NEDD4: variants seen among roughly 807,000 people sequenced by gnomAD.
The protein encoded by NEDD4 is E3 ubiquitin-protein ligase NEDD4.
Under a neutral mutation model 144.9 loss-of-function variants are expected in NEDD4, and 99 were observed. The observed-to-expected ratio is 0.68, with a 90% confidence interval of 0.58 to 0.81. The LOEUF (loss-of-function observed/expected upper bound fraction) is 0.81. NEDD4 is among the 30% of genes least tolerant of loss of function. The pLI, the probability that NEDD4 is intolerant of heterozygous loss-of-function variation, is 0.00. For missense variants in NEDD4, 985 were observed against 1,065.9 expected (o/e 0.92, Z 1.06); for synonymous variants, 318 against 350.6 (o/e 0.91, Z 1.04).
At chr15:55,943,648 C>A (rs1325587952) in intron 4 of NEDD4, among the ~76,000 whole-genome samples, 7 of 152,318 alleles carry the variant, frequency 4.6e-5, no homozygotes, top group Admixed American at 2.6e-4. Flanking sequence ...GATATCCACA[C>A]AGAAGTCTGG....
At chr15:55,915,478 T>C in intron 5 of NEDD4, 4 of 1,613,742 alleles carry the variant, frequency 2.5e-6, no homozygotes, top group Non-Finnish European at 3.4e-6. Context: ...CTTCGTAAAA[T>C]ACCATGGTTT....
In NEDD4 at chr15:55,982,939, T is replaced by A. The variant is rs543900960; in HGVS notation, c.45+10572A>T. 1.1e-4 allele frequency among the ~76,000 whole-genome samples: 16 copies of A among 152,158 alleles called. No homozygotes were observed. In the East Asian group the frequency reaches 3.1e-3, roughly 29 times the overall value. On this transcript the variant is annotated intron_variant, in intron 1 of 28. Transcript: ENST00000435532. ...GAGTTCGAGACCAGCCTGGCCAACA[T>A]GGTGAAACCCCGTCTCTACTAAAAA...
At chr15:55,988,501 A>G (rs1395254132) in intron 1 of NEDD4, among the ~76,000 whole-genome samples, 3 of 148,958 alleles carry the variant, frequency 2.0e-5, no homozygotes, top group Admixed American at 6.7e-5. Context: ...AAAAAAAAAA[A>G]AAAAAGAAAA....
At chr15:55,985,760 T>C (rs75137931) in intron 1 of NEDD4, among the ~76,000 whole-genome samples, 36 of 148,438 alleles carry the variant, frequency 2.4e-4, no homozygotes, top group East Asian at 1.0e-3. Flanking sequence ...AGAGTACACA[T>C]ACACACACAC....
chr15:55,833,538 G>C (rs2141960287), intron 26 of NEDD4, among the ~76,000 whole-genome samples: 1 of 152,240 alleles, frequency 6.6e-6, no homozygotes, highest in African/African-American at 2.4e-5. Flanking sequence ...GTGCATGCTT[G>C]TAATCCCAGC....
At chr15:55,844,180 GAGA>G (rs1387509676) in intron 18 of NEDD4, among the ~76,000 whole-genome samples, 1 of 152,130 alleles carries the variant, frequency 6.6e-6, no homozygotes. Flanking sequence ...GGCACAGAAG[GAGA>G]AGAAGGGAGA....
At position 55,850,575 on chromosome 15, in the gene NEDD4, G is replaced by A; in HGVS notation, c.1314C>T (p.Phe438=). The A allele has an allele frequency of 6.2e-7, 1 of 1,614,142 alleles. No individual in the cohort carries two copies. The highest frequency in any genetic ancestry group is 1.1e-5 in the South Asian group (1 of 91,080). ...TGGTTTTAGTGTTGTGGTCAATAAA[G>A]AAAGGCCTCCCATTTGGTGCATGCC... is the stretch of plus-strand genomic sequence containing the variant. ...EVRHAPNGRP[F]FIDHNTKTTT... The change falls in exon 14 of 29, where the codon TTC becomes TTT. Residue 438 remains phenylalanine (F), a synonymous_variant. Transcript: ENST00000435532.
At chr15:55,972,109 C>G (rs1402211037) in intron 1 of NEDD4, among the ~76,000 whole-genome samples, 1 of 152,124 alleles carries the variant, frequency 6.6e-6, no homozygotes, top group Non-Finnish European at 1.5e-5. Context: ...CAGACCTAGC[C>G]TTCAAGAAAT....
chr15:55,927,094 A>AAAAG (rs1566955455), intron 4 of NEDD4, among the ~76,000 whole-genome samples: 2 of 147,108 alleles, frequency 1.4e-5, no homozygotes, highest in Non-Finnish European at 3.0e-5. Context: ...AAAAAAAAAA[A>AAAAG]AAAAAGAAAG....
At chr15:55,847,676 CTTTTT>C (rs149696600) in intron 17 of NEDD4, among the ~76,000 whole-genome samples, 3 of 113,586 alleles carry the variant, frequency 2.6e-5, no homozygotes, top group African/African-American at 6.4e-5. Context: ...TTTCTTTTTC[CTTTTT>C]TTTTTTTTTT....
At chr15:55,926,068 G>A (rs952532) in intron 4 of NEDD4, among the ~76,000 whole-genome samples, 21,655 of 151,202 alleles carry the variant, frequency 0.14, 2,051 homozygotes, top group Non-Finnish European at 0.21. Context: ...ATACATATAC[G>A]TATGTAAAAA....
chr15:55,834,302 AT>A lies in NEDD4; in HGVS notation c.2263-17del. 1 of 1,572,174 alleles carries A rather than the reference AT, an allele frequency of 6.4e-7. No individual in the cohort carries two copies. The highest frequency in any genetic ancestry group is 1.4e-5 in the African/African-American group (1 of 74,050). On this transcript the variant is annotated splice_polypyrimidine_tract_variant and intron_variant, in intron 24 of 28. Coordinates refer to ENST00000435532, the MANE Select transcript of NEDD4 (RefSeq NM_006154.4). ...CAAAGAATCCCTAGAAAAAAGATGT[AT>A]TTAAAAACTTGATGGGCAGGGCCAA...
chr15:55,937,104 T>C (rs537612956), intron 4 of NEDD4, among the ~76,000 whole-genome samples: 40 of 152,234 alleles, frequency 2.6e-4, no homozygotes, highest in African/African-American at 8.9e-4. Context: ...TAATTTGCTA[T>C]TGAGCACTAA....
Position 55,838,203 on chromosome 15 carries a change from G to T in NEDD4, c.2128-23C>A, listed in dbSNP as rs758913476. The T allele has an allele frequency of 1.2e-5, 18 of 1,501,642 alleles. No individual in the cohort carries two copies. The Middle Eastern group carries it at 5.6e-4, about 47-fold the overall frequency. The allele number at this position is 1,501,642 out of a possible 1,614,324, so 93.0% of individuals were successfully genotyped here. Reference sequence around the variant, plus strand: ...TGTCTAAAATTAAACACAATAACTTGATATGTTATTTTAGCGAGAAAAATT... The same window carrying T: ...TGTCTAAAATTAAACACAATAACTTTATATGTTATTTTAGCGAGAAAAATT... On this transcript the variant is annotated intron_variant, in intron 22 of 28. Transcript: ENST00000435532.
chr15:55,836,247 A>G (rs11630780), intron 24 of NEDD4, among the ~76,000 whole-genome samples: 5 of 151,618 alleles, frequency 3.3e-5, no homozygotes, highest in African/African-American at 1.2e-4. Flanking sequence ...CATCATACAT[A>G]CCTTAATAAC....
intron 1 of NEDD4, among the ~76,000 whole-genome samples, chr15:55,981,301 G>A (rs1595888130): frequency 6.6e-6 from 1 of 151,980 alleles, no homozygotes; most frequent in Admixed American, 6.6e-5. Context: ...CTGACCTCAG[G>A]TGATCCACCC....
intron 27 of NEDD4, among the ~76,000 whole-genome samples, chr15:55,831,428 C>T (rs1026615065): frequency 3.9e-5 from 6 of 152,044 alleles, no homozygotes; most frequent in Non-Finnish European, 8.8e-5. Flanking sequence ...GGCTGGGTTA[C>T]ATAGAAGAGA....
intron 5 of NEDD4, among the ~76,000 whole-genome samples, chr15:55,896,693 T>C (rs2035749132): frequency 6.6e-6 from 1 of 152,146 alleles, no homozygotes; most frequent in Non-Finnish European, 1.5e-5. Flanking sequence ...ATTTCTGGTA[T>C]CATGGAGCCT....
At chr15:55,918,763 A>G (rs1456552823) in intron 5 of NEDD4, among the ~76,000 whole-genome samples, 2 of 151,866 alleles carry the variant, frequency 1.3e-5, no homozygotes, top group African/African-American at 4.8e-5. Flanking sequence ...TACAATTATT[A>G]TGTTATTTTT....
Sources: gnomAD v4.1 joint callset for allele counts (sites outside exome capture counted in the v4.1 genomes callset) on GRCh38, gnomAD v4.1.1 for gene constraint, MANE v1.5 for transcripts, NCBI Gene and HGNC (gene_info 2026-07-23, HGNC 2026-07-21) for gene names.